Variants in SLIT3 observed in about 807,000 individuals in gnomAD.
SLIT3 encodes slit homolog 3 protein.
A neutral mutation model predicts 184.0 loss-of-function variants in SLIT3; 68 were observed. The ratio of observed to expected loss-of-function variants is 0.37; its 90% CI spans 0.30 to 0.45. The LOEUF (loss-of-function observed/expected upper bound fraction) is 0.45. Among genes scored for constraint, SLIT3 ranks in the 20% least tolerant of loss-of-function variants. The pLI is 1.00. For missense variants in SLIT3, 1,707 were observed against 2,026.0 expected (o/e 0.84, Z 3.02); for synonymous variants, 831 against 828.6 (o/e 1.00, Z -0.05).
At chr5:168,738,235 T>C (rs556501538) in intron 20 of SLIT3, among the ~76,000 whole-genome samples, 193 of 152,278 alleles carry the variant, frequency 1.3e-3, no homozygotes, top group Non-Finnish European at 2.1e-3. Flanking sequence ...TGGTACAAAA[T>C]TAGTGGAGGG....
chr5:169,287,476 G>A (rs1236117718), intron 1 of SLIT3, among the ~76,000 whole-genome samples: 1 of 152,180 alleles, frequency 6.6e-6, no homozygotes, highest in African/African-American at 2.4e-5. Flanking sequence ...ACAGGATGAG[G>A]CAGAAATGAA....
intron 1 of SLIT3, among the ~76,000 whole-genome samples, chr5:169,287,171 A>G (rs1767176427): frequency 6.6e-6 from 1 of 152,222 alleles, no homozygotes; most frequent in African/African-American, 2.4e-5. Context: ...AAAAGCTCCC[A>G]TGAAGCAACT....
rs1009846557 is a variant in SLIT3 at position 168,666,638 on chromosome 5, C to A, written c.4388G>T (p.Gly1463Val). Residue 1463 changes from glycine to valine, a missense_variant, in exon 36 of 36, where the codon GGT (glycine) becomes GTT (valine). By Grantham distance (109) the Gly-to-Val change is moderately radical. Transcript: ENST00000519560. Reference protein sequence around the residue: ...VVREVIRRQKGYASCATASKV... With the variant: ...VVREVIRRQKVYASCATASKV... ...GGAGGCTGTGGCACATGATGCATAA[C>A]CTTTCTGGCGGCGGATCACCTCTCG... 1.9e-6 allele frequency: 3 copies of A among 1,614,202 alleles called. No individual in the cohort carries two copies. The African/African-American group carries it at 4.0e-5, about 22-fold the overall frequency.
At chr5:169,064,864 ACCT>A (rs1274325530) in intron 4 of SLIT3, among the ~76,000 whole-genome samples, 6 of 152,052 alleles carry the variant, frequency 3.9e-5, no homozygotes, top group Admixed American at 3.3e-4. Context: ...TTCCAGCCCG[ACCT>A]CCTCATTTTA....
intron 3 of SLIT3, among the ~76,000 whole-genome samples, chr5:169,196,148 C>T (rs369692733): frequency 3.5e-4 from 46 of 130,822 alleles, no homozygotes; most frequent in Middle Eastern, 3.9e-3. Context: ...TGTGTGTTCC[C>T]ATCACTAAAG....
At chr5:168,835,227 A>AGTTTTAAATGTTGGCAACAAATTCTAATT (rs1758010724) in intron 6 of SLIT3, among the ~76,000 whole-genome samples, 1 of 152,208 alleles carries the variant, frequency 6.6e-6, no homozygotes, top group Non-Finnish European at 1.5e-5. Context: ...AAATTACTTG[A>AGTTTTAAATGTTGGCAACAAATTCTAATT]GTTTTAAATG....
chr5:168,740,596 G>A (rs1051515568), intron 20 of SLIT3, among the ~76,000 whole-genome samples: 1 of 152,118 alleles, frequency 6.6e-6, no homozygotes, highest in African/African-American at 2.4e-5. Flanking sequence ...TAATTCTCCA[G>A]GTCTGCCAGC....
intron 4 of SLIT3, among the ~76,000 whole-genome samples, chr5:169,117,542 GGACACGATGGCA>G (rs1024554458): frequency 1.3e-5 from 2 of 152,140 alleles, no homozygotes; most frequent in African/African-American, 4.8e-5. Flanking sequence ...AGTGGAATTT[GGACACGATGGCA>G]GAGCCAAGCT....
At chr5:168,980,622 C>T (rs1196533351) in intron 4 of SLIT3, among the ~76,000 whole-genome samples, 1 of 152,154 alleles carries the variant, frequency 6.6e-6, no homozygotes, top group Non-Finnish European at 1.5e-5. Context: ...AGGAAGGCCC[C>T]AGAATATTGC....
Position 168,685,219 on chromosome 5 carries a change from G to A in SLIT3, c.3555+468C>T, listed in dbSNP as rs188676707. Among the ~76,000 whole-genome samples, 19 of 152,314 alleles carry A rather than the reference G, an allele frequency of 1.2e-4. No homozygotes were observed. In the East Asian group the frequency reaches 3.3e-3, roughly 26 times the overall value. ...CCACCTCAGCCTCCCTAAGTGTTGG[G>A]ATTATAGGCATGAGCCACCACACCT... On this transcript the variant is annotated intron_variant, in intron 31 of 35. Coordinates refer to ENST00000519560, the MANE Select transcript of SLIT3 (RefSeq NM_003062.4).
intron 22 of SLIT3, 120 bp from the exon 23 acceptor site, chr5:168,722,447 G>A: frequency 1.2e-6 from 1 of 831,188 alleles, no homozygotes; most frequent in East Asian, 2.7e-5. Flanking sequence ...TATATTGACA[G>A]AACATCCCCT....
intron 1 of SLIT3, among the ~76,000 whole-genome samples, chr5:169,295,160 G>A (rs192669433): frequency 2.1e-4 from 32 of 152,336 alleles, no homozygotes; most frequent in Admixed American, 1.8e-3. Flanking sequence ...AAGCTACGAT[G>A]TCACTAGGCG....
chr5:168,725,208 G>A (rs530710979), intron 20 of SLIT3, among the ~76,000 whole-genome samples: 1 of 152,274 alleles, frequency 6.6e-6, no homozygotes, highest in Admixed American at 6.5e-5. Context: ...CAAAGGCTGA[G>A]CTAAGATCTG....
At chr5:169,149,199 G>A (rs1335252189) in intron 4 of SLIT3, among the ~76,000 whole-genome samples, 1 of 152,164 alleles carries the variant, frequency 6.6e-6, no homozygotes, top group Non-Finnish European at 1.5e-5. Flanking sequence ...CAAATTAAGA[G>A]GAAATGACGC....
At chr5:168,846,741 T>A (rs912525944) in intron 5 of SLIT3, among the ~76,000 whole-genome samples, 1 of 152,224 alleles carries the variant, frequency 6.6e-6, no homozygotes, top group Non-Finnish European at 1.5e-5. Context: ...AGACATTTCA[T>A]AAAGGTCCTT....
intron 6 of SLIT3, among the ~76,000 whole-genome samples, chr5:168,826,587 T>A (rs1757712786): frequency 6.6e-6 from 1 of 152,154 alleles, no homozygotes; most frequent in Non-Finnish European, 1.5e-5. Flanking sequence ...TATGCAACCA[T>A]GGGTAAATTT....
At chr5:168,885,025 T>C (rs1232309450) in intron 4 of SLIT3, among the ~76,000 whole-genome samples, 1 of 152,122 alleles carries the variant, frequency 6.6e-6, no homozygotes. Flanking sequence ...CACTAAAATC[T>C]GGGCAGTCTA....
intron 4 of SLIT3, among the ~76,000 whole-genome samples, chr5:168,892,575 C>T (rs1203428872): frequency 6.6e-6 from 1 of 152,178 alleles, no homozygotes; most frequent in Non-Finnish European, 1.5e-5. Context: ...GGGCAGCAAG[C>T]CATGGTTTAG....
intron 3 of SLIT3, among the ~76,000 whole-genome samples, chr5:169,234,760 C>T (rs1424385036): frequency 6.6e-6 from 1 of 152,094 alleles, no homozygotes; most frequent in African/African-American, 2.4e-5. Flanking sequence ...CACCATGAGG[C>T]CTAAGTTCTT....
Sources: allele counts gnomAD v4.1 joint callset (sites outside exome capture counted in the v4.1 genomes callset), GRCh38; gene constraint gnomAD v4.1.1; transcripts MANE v1.5; gene names NCBI Gene and HGNC (gene_info 2026-07-23, HGNC 2026-07-21).